MBNL3: variants seen among roughly 807,000 people sequenced by gnomAD.
MBNL3 encodes muscleblind-like protein 3.
In MBNL3, 6 loss-of-function variants were observed where a neutral mutation model predicts 24.5. The ratio of observed to expected loss-of-function variants is 0.25; its 90% CI spans 0.13 to 0.48. MBNL3 has a LOEUF of 0.48. Ranked by LOEUF, MBNL3 falls within the 20% of genes least tolerant of loss-of-function variation. The pLI is 0.99. For missense variants in MBNL3, 230 were observed against 293.5 expected, an observed-to-expected ratio of 0.78 and a Z score of 1.58; for synonymous variants, 100 against 101.7, an observed-to-expected ratio of 0.98 and a Z score of 0.10.
chrX:132,380,659 C>T (rs1030420281), intron 8 of MBNL3, among the ~76,000 whole-genome samples: 1 of 110,698 alleles, frequency 9.0e-6, no homozygotes, highest in Non-Finnish European at 1.9e-5. Context: ...TTCAAACTTT[C>T]GATGATGAAG....
chrX:132,390,749 A>G (rs1245442330), intron 5 of MBNL3, 98 bp downstream of exon 5: 2 of 674,421 alleles, frequency 3.0e-6, no homozygotes, highest in East Asian at 6.5e-5. Flanking sequence ...AGGTCCTCTC[A>G]TGACCATCCA....
intron 3 of MBNL3, among the ~76,000 whole-genome samples, chrX:132,396,580 C>CTATATATATTCA (rs1569424564): frequency 2.4e-4 from 11 of 45,708 alleles, no homozygotes; most frequent in African/African-American, 1.1e-3. Flanking sequence ...ATATATATTC[C>CTATATATATTCA]TATATATATT....
chrX:132,413,163 C>T (rs1942963568), intron 2 of MBNL3, among the ~76,000 whole-genome samples: 1 of 111,760 alleles, frequency 8.9e-6, no homozygotes, highest in Non-Finnish European at 1.9e-5. Context: ...TTCTTTACCT[C>T]CTTTTTCTGG....
chrX:132,390,837 C>T lies in MBNL3; in HGVS notation c.771+10G>A. The T allele has an allele frequency of 8.3e-7, 1 of 1,199,820 alleles. No homozygotes were observed. The highest frequency in any genetic ancestry group is 1.1e-6 in the Non-Finnish European group (1 of 885,368). ...TCTGAAACAGGCCACAAGTGCAGGC[C>T]TTTTCTTACCATGGCAGAGGCAGCT... On this transcript the variant is annotated intron_variant, in intron 5 of 8. Transcript: ENST00000370853.
At chrX:132,471,437 C>T (rs1296765621) in intron 1 of MBNL3, among the ~76,000 whole-genome samples, 2 of 112,916 alleles carry the variant, frequency 1.8e-5, no homozygotes, top group Non-Finnish European at 3.7e-5. Flanking sequence ...GTAATCCCAA[C>T]ACTTTGGGAG....
chrX:132,395,278 A>T (rs1434970216), intron 3 of MBNL3, among the ~76,000 whole-genome samples: 1 of 111,543 alleles, frequency 9.0e-6, no homozygotes, highest in Non-Finnish European at 1.9e-5. Flanking sequence ...AGCTTTAATA[A>T]GCAACTTTAA....
At position 132,408,290 on chromosome X, in the gene MBNL3, G is replaced by C. The variant is rs940819099; in HGVS notation, c.178-1898C>G. On this transcript the variant is annotated intron_variant, in intron 2 of 8. Coordinates refer to ENST00000370853, the MANE Select transcript of MBNL3 (RefSeq NM_001386889.1). ...ACTCTAATTCCTATGCTTTGGGGTAGTTAGACAGCAGTAGTGGGGAAAATA... is the reference window on the plus strand; with the variant it reads ...ACTCTAATTCCTATGCTTTGGGGTACTTAGACAGCAGTAGTGGGGAAAATA... Among the ~76,000 whole-genome samples, 3 of 106,989 alleles carry C rather than the reference G, an allele frequency of 2.8e-5. No homozygotes were observed. In the East Asian group the frequency reaches 8.8e-4, roughly 31 times the overall value. 92.9% of individuals were successfully genotyped at this position (106,989 alleles called of 115,157 possible). A position where few individuals can be genotyped will look rare whatever the true frequency, so the allele number is the denominator to read the frequency against.
At chrX:132,470,993 C>T (rs1947150870) in intron 1 of MBNL3, among the ~76,000 whole-genome samples, 1 of 111,277 alleles carries the variant, frequency 9.0e-6, no homozygotes, top group Non-Finnish European at 1.9e-5. Context: ...AGCAGAATGT[C>T]TTTTGGCATG....
chrX:132,453,377 G>A (rs2148479104), intron 1 of MBNL3, among the ~76,000 whole-genome samples: 1 of 111,812 alleles, frequency 8.9e-6, no homozygotes, highest in Admixed American at 9.4e-5. Flanking sequence ...AACAAAAGGT[G>A]AAGCGAAAGT....
At chrX:132,405,335 ACCC>A (rs1941607331) in intron 3 of MBNL3, among the ~76,000 whole-genome samples, 1 of 111,520 alleles carries the variant, frequency 9.0e-6, no homozygotes, top group Non-Finnish European at 1.9e-5. Flanking sequence ...GCACTGTGGT[ACCC>A]TGAATCAGAC....
At chrX:132,488,199 CATCTAGCTAGCTAGCT>C (rs1342285590) in intron 1 of MBNL3, among the ~76,000 whole-genome samples, 2 of 110,048 alleles carry the variant, frequency 1.8e-5, no homozygotes, top group Non-Finnish European at 3.8e-5. Context: ...TTTTATCTAT[CATCTAGCTAGCTAGCT>C]AGCTAGCTAG....
intron 1 of MBNL3, among the ~76,000 whole-genome samples, chrX:132,442,467 C>T (rs753522780): frequency 3.5e-4 from 39 of 111,647 alleles, no homozygotes; most frequent in Non-Finnish European, 6.4e-4. Context: ...ATGAAAAGTA[C>T]TCTGAAAGAG....
At chrX:132,388,271 T>C (rs1324568992) in intron 5 of MBNL3, among the ~76,000 whole-genome samples, 2 of 112,258 alleles carry the variant, frequency 1.8e-5, no homozygotes, top group East Asian at 5.6e-4. Flanking sequence ...TTTAGAGATA[T>C]AAAATTTCCA....
At chrX:132,455,005 G>A (rs1370356577) in intron 1 of MBNL3, among the ~76,000 whole-genome samples, 3 of 112,102 alleles carry the variant, frequency 2.7e-5, no homozygotes, top group Admixed American at 9.4e-5. Context: ...AAATTTAGAG[G>A]AACTGCAACA....
At chrX:132,400,332 T>A (rs1461596416) in intron 3 of MBNL3, among the ~76,000 whole-genome samples, 2 of 112,132 alleles carry the variant, frequency 1.8e-5, no homozygotes, top group Admixed American at 9.5e-5. Flanking sequence ...ACAGTGTCTA[T>A]TAACAGAGAT....
Position 132,384,269 on chromosome X carries a change from G to C in MBNL3, c.958+394C>G, listed in dbSNP as rs192652287. Among the ~76,000 whole-genome samples the C allele has an allele frequency of 1.6e-3, 176 of 112,231 alleles. 1 individual carries two copies. Among genetic ancestry groups the C allele is most frequent in the Non-Finnish European group, 3.0e-3 (161 of 53,247 alleles). ...TAAGTCCTATAGATAACTTTTTCAG[G>C]TGGGAATTGTTTCATTGTACTTTAC... is the stretch of plus-strand genomic sequence containing the variant. On this transcript the variant is annotated intron_variant, in intron 7 of 8. Transcript: ENST00000370853.
chrX:132,411,543 C>T, intron 2 of MBNL3: 1 of 391,738 alleles, frequency 2.6e-6, no homozygotes, highest in South Asian at 1.3e-4. Flanking sequence ...TGTCCTAATT[C>T]ATAAGCAGCT....
chrX:132,460,524 G>T (rs1408514377), intron 1 of MBNL3, among the ~76,000 whole-genome samples: 1 of 111,051 alleles, frequency 9.0e-6, no homozygotes, highest in Non-Finnish European at 1.9e-5. Flanking sequence ...TATCTCCTAG[G>T]GTTGTTTTGT....
At chrX:132,449,879 C>T (rs1945971837) in intron 1 of MBNL3, among the ~76,000 whole-genome samples, 1 of 105,569 alleles carries the variant, frequency 9.5e-6, no homozygotes. Context: ...ATTTGCTTGT[C>T]TGTAAAGGAT....
Sources: allele counts gnomAD v4.1 joint callset (sites outside exome capture counted in the v4.1 genomes callset), GRCh38; gene constraint gnomAD v4.1.1; transcripts MANE v1.5; gene names NCBI Gene and HGNC (gene_info 2026-07-23, HGNC 2026-07-21).